Variants in PHC2 observed in about 807,000 individuals in gnomAD.
PHC2 encodes polyhomeotic homolog 2, also known as polyhomeotic-like protein 2.
Under a neutral mutation model 87.4 loss-of-function variants are expected in PHC2, and 29 were observed. The ratio of observed to expected loss-of-function variants is 0.33; its 90% CI spans 0.25 to 0.45. The LOEUF (loss-of-function observed/expected upper bound fraction) is 0.45, where lower values mean the gene tolerates loss of function less well. Among genes scored for constraint, PHC2 ranks in the 20% least tolerant of loss-of-function variants. The pLI is 1.00. For missense variants in PHC2, 857 were observed against 1,136.7 expected (o/e 0.75, Z 3.54); for synonymous variants, 438 against 461.7 (o/e 0.95, Z 0.66).
intron 1 of PHC2, among the ~76,000 whole-genome samples, chr1:33,388,937 T>C (rs1015375123): frequency 3.3e-5 from 5 of 151,952 alleles, no homozygotes; most frequent in Admixed American, 2.6e-4. Flanking sequence ...AAGGGAAGAT[T>C]CTCAAACATG....
At chr1:33,358,662 C>A (rs1647138458) in intron 7 of PHC2, among the ~76,000 whole-genome samples, 1 of 152,178 alleles carries the variant, frequency 6.6e-6, no homozygotes, top group African/African-American at 2.4e-5. Context: ...AGGGACTCTC[C>A]TTTGTCTACG....
chr1:33,422,265 GTCTT>G (rs1462788915), intron 1 of PHC2, among the ~76,000 whole-genome samples: 7 of 139,686 alleles, frequency 5.0e-5, no homozygotes, highest in Non-Finnish European at 8.9e-5. Flanking sequence ...ATGTTTCCAT[GTCTT>G]TCTTTCTTTA....
chr1:33,347,213 C>T (rs1019920846), intron 9 of PHC2: 3 of 985,268 alleles, frequency 3.0e-6, no homozygotes, highest in East Asian at 1.1e-4. Context: ...CAGGGTCAGT[C>T]CGCTTAGACT....
chr1:33,402,436 C>T (rs1437366727), intron 1 of PHC2, among the ~76,000 whole-genome samples: 3 of 152,122 alleles, frequency 2.0e-5, no homozygotes, highest in African/African-American at 7.2e-5. Context: ...CTATTCTTAT[C>T]TATACACCTA....
intron 7 of PHC2, among the ~76,000 whole-genome samples, chr1:33,356,903 G>A (rs969285295): frequency 2.6e-5 from 4 of 152,182 alleles, no homozygotes; most frequent in Non-Finnish European, 4.4e-5. Flanking sequence ...CAGACGGGGC[G>A]GCGGCCGGGC....
At chr1:33,348,596 G>A (rs1452650429) in intron 9 of PHC2, among the ~76,000 whole-genome samples, 1 of 152,168 alleles carries the variant, frequency 6.6e-6, no homozygotes, top group Non-Finnish European at 1.5e-5. Context: ...AGAAAAATCA[G>A]GGACATATGA....
chr1:33,424,314 C>A (rs1650581872), intron 1 of PHC2, among the ~76,000 whole-genome samples: 2 of 151,252 alleles, frequency 1.3e-5, no homozygotes, highest in Non-Finnish European at 2.9e-5. Context: ...TCTAAAGCCA[C>A]CTTTATCTGT....
At chr1:33,325,097 T>G in intron 14 of PHC2, 78 bp from the exon 15 acceptor site, 1 of 1,314,832 alleles carries the variant, frequency 7.6e-7, no homozygotes, top group Non-Finnish European at 1.0e-6. Context: ...TCTAGTTATC[T>G]AGATCTAGTT....
intron 2 of PHC2, 134 bp from the exon 3 acceptor site, chr1:33,372,581 CCAATT>C (rs1647925157): frequency 1.8e-6 from 1 of 547,040 alleles, no homozygotes; most frequent in African/African-American, 3.9e-5. Flanking sequence ...ACCACCACAG[CCAATT>C]GTGGCCACTC....
chr1:33,406,584 A>G (rs1000585280), intron 1 of PHC2, among the ~76,000 whole-genome samples: 1 of 152,242 alleles, frequency 6.6e-6, no homozygotes, highest in African/African-American at 2.4e-5. Context: ...TGTAAACAGC[A>G]GAGAGTTATA....
At chr1:33,374,021 CTCT>C (rs1199129983) in intron 2 of PHC2, among the ~76,000 whole-genome samples, 1 of 152,212 alleles carries the variant, frequency 6.6e-6, no homozygotes, top group Admixed American at 6.5e-5. Context: ...GATTCCACTC[CTCT>C]GACGTGAACA....
Position 33,355,048 on chromosome 1 carries a change from A to G in PHC2, c.1182T>C (p.His394=). Reference sequence around the variant, plus strand: ...GTGTAACCGGGCCTAGTGGCATGGCATGGGCCTCTGAGCTGGGCTGGAGGG... The same window carrying G: ...GTGTAACCGGGCCTAGTGGCATGGCGTGGGCCTCTGAGCTGGGCTGGAGGG... ...SVALQPSSEA[H]AMPLGPVTPA... is the part of the protein sequence containing the mutation. The change falls in exon 8 of 15, where the codon CAT becomes CAC. Residue 394 remains histidine (H), a synonymous_variant. Coordinates refer to ENST00000683057, the MANE Select transcript of PHC2 (RefSeq NM_001385109.1). 1 of 1,613,578 alleles carries G rather than the reference A, an allele frequency of 6.2e-7. No homozygotes were observed. Among genetic ancestry groups the G allele is most frequent in the Non-Finnish European group, 8.5e-7 (1 of 1,179,926 alleles).
chr1:33,401,501 TCTAA>T lies in PHC2; in HGVS notation c.-54-25912_-54-25909del, dbSNP rs112882347. 6.1e-3 allele frequency among the ~76,000 whole-genome samples: 924 copies of T among 152,078 alleles called. 16 individuals are homozygous for T. The highest frequency in any genetic ancestry group is 0.021 in the African/African-American group (887 of 41,480). ...TTTTGGATAGACCCTATTCTTGACCTCTAACTGTTAGCACCTCTTACCAACTCCG... is the reference window on the plus strand; with the variant it reads ...TTTTGGATAGACCCTATTCTTGACCTCTGTTAGCACCTCTTACCAACTCCG... On this transcript the variant is annotated intron_variant, in intron 1 of 14. Transcript: ENST00000683057.
At chr1:33,363,193 C>G (rs1163277622) in intron 7 of PHC2, 1 of 152,230 alleles carries the variant, frequency 6.6e-6, no homozygotes, top group Non-Finnish European at 1.5e-5. Flanking sequence ...TACGTGCACA[C>G]AGGCTCGTAC....
At chr1:33,415,355 G>A (rs1414871300) in intron 1 of PHC2, among the ~76,000 whole-genome samples, 1 of 152,178 alleles carries the variant, frequency 6.6e-6, no homozygotes, top group East Asian at 1.9e-4. Flanking sequence ...ACATCTATCT[G>A]AGCAGAAAGA....
chr1:33,349,796 C>T lies in PHC2; in HGVS notation c.1558+4605G>A. The T allele has an allele frequency of 1.0e-6, 1 of 977,144 alleles. No individual in the cohort carries two copies. The highest frequency in any genetic ancestry group is 4.6e-5 in the South Asian group (1 of 21,790). 60.5% of individuals were successfully genotyped at this position (977,144 alleles called of 1,614,324 possible). A position where few individuals can be genotyped will look rare whatever the true frequency, so the allele number is the denominator to read the frequency against. Reference sequence around the variant, plus strand: ...ACAAAGGGCGGCCGGGGCGCGAGGCCGGGACGGGGGCGCGAGGCCGGGGCG... The same window carrying T: ...ACAAAGGGCGGCCGGGGCGCGAGGCTGGGACGGGGGCGCGAGGCCGGGGCG... On this transcript the variant is annotated intron_variant, in intron 9 of 14. Coordinates refer to ENST00000683057, the MANE Select transcript of PHC2 (RefSeq NM_001385109.1). This position sits in a 1 kb window ranked among gnomAD's most constrained non-coding sequence, Gnocchi z 4.2.
chr1:33,414,150 T>C (rs1013280358), intron 1 of PHC2, among the ~76,000 whole-genome samples: 2 of 150,488 alleles, frequency 1.3e-5, no homozygotes, highest in Non-Finnish European at 2.9e-5. Flanking sequence ...CCATGCATCA[T>C]GTTTACATAT....
At position 33,375,439 on chromosome 1, in the gene PHC2, C is replaced by T. The variant is rs1648122316; in HGVS notation, c.101G>A (p.Ser34Asn). 16 of 1,612,496 alleles carry T rather than the reference C, an allele frequency of 9.9e-6. No individual in the cohort carries two copies. The highest frequency in any genetic ancestry group is 1.3e-5 in the African/African-American group (1 of 74,886). ...SSSSGCNNSS[S>N]GGSGRPTGPQ... The stretch of plus-strand genomic sequence containing the variant: ...CCCGGTGGGGCGGCCACTTCCACCA[C>T]TGCTGCTGTTGTTGCAGCCACTGCT... Residue 34 changes from serine (S) to asparagine (N), a missense_variant, in exon 2 of 15, where the codon AGT becomes AAT. By Grantham distance (46) the Ser-to-Asn change is conservative (BLOSUM62 1). This residue lies in a region of PHC2 where 832 missense variants were observed against 1,081.8 expected (regional missense o/e 0.77). Transcript: ENST00000683057.
chr1:33,364,390 T>A lies in PHC2; in HGVS notation c.976+2726A>T, dbSNP rs1300815957. Among the ~76,000 whole-genome samples the A allele has an allele frequency of 4.7e-5, 5 of 106,694 alleles. No individual in the cohort carries two copies. The highest frequency in any genetic ancestry group is 1.4e-4 in the African/African-American group (3 of 20,708). The allele number at this position is 106,694 out of a possible 152,430, so 70.0% of individuals were successfully genotyped here. On this transcript the variant is annotated intron_variant, in intron 7 of 14. Coordinates refer to ENST00000683057, the MANE Select transcript of PHC2 (RefSeq NM_001385109.1). This position sits in a 1 kb window ranked among gnomAD's most constrained non-coding sequence, Gnocchi z 4.1. ...CACACACACACACACACACTTGCTTTCACACACACACACACACACACACAC... is the reference window on the plus strand; with the variant it reads ...CACACACACACACACACACTTGCTTACACACACACACACACACACACACAC...
Sources: allele counts gnomAD v4.1 joint callset (sites outside exome capture counted in the v4.1 genomes callset), GRCh38; gene constraint gnomAD v4.1.1; regional missense constraint gnomAD v4.1.1; non-coding constraint Gnocchi (gnomAD v3.1); transcripts MANE v1.5; gene names NCBI Gene and HGNC (gene_info 2026-07-23, HGNC 2026-07-21).